QTMAN: variants seen among roughly 807,000 people sequenced by gnomAD.
QTMAN encodes the protein queuosine-tRNA mannosyltransferase, also known as tRNA-queuosine alpha-mannosyltransferase.
At chr2:144,264,410 C>T in the QTMAN span, among the ~76,000 whole-genome samples, 4 of 152,142 alleles carry the variant, frequency 2.6e-5, no homozygotes, top group African/African-American at 9.7e-5. Context: ...CCCACCACCA[C>T]CAAATCTCAT....
At chr2:144,115,098 G>C in the QTMAN span, among the ~76,000 whole-genome samples, 3 of 151,992 alleles carry the variant, frequency 2.0e-5, no homozygotes, top group African/African-American at 7.3e-5. Context: ...AGCTGTGGTG[G>C]CACACAACTG....
the QTMAN span, among the ~76,000 whole-genome samples, chr2:144,210,152 T>C: frequency 6.6e-6 from 1 of 152,076 alleles, no homozygotes; most frequent in African/African-American, 2.4e-5. Flanking sequence ...GCATGAATCC[T>C]AGGATCAAGG....
the QTMAN span, among the ~76,000 whole-genome samples, chr2:144,098,714 CA>C: frequency 0.017 from 2,081 of 123,694 alleles, 35 homozygotes; most frequent in African/African-American, 0.047. Flanking sequence ...GACTCTGTCT[CA>C]AAAAAAAAAA....
the QTMAN span, among the ~76,000 whole-genome samples, chr2:143,953,770 C>A: frequency 6.6e-6 from 1 of 151,838 alleles, no homozygotes; most frequent in African/African-American, 2.4e-5. Context: ...CTTTGAATTG[C>A]ATCCAAAATG....
At chr2:144,244,374 A>G in the QTMAN span, among the ~76,000 whole-genome samples, 3 of 152,090 alleles carry the variant, frequency 2.0e-5, no homozygotes, top group Admixed American at 6.6e-5. Flanking sequence ...TGCCTAATGT[A>G]TTGCTTCTTG....
At chr2:144,012,769 G>C in the QTMAN span, among the ~76,000 whole-genome samples, 3 of 152,142 alleles carry the variant, frequency 2.0e-5, no homozygotes, top group Non-Finnish European at 2.9e-5. Context: ...TTGGAAGATA[G>C]CAGGTGAAAA....
chr2:144,287,344 A>C, the QTMAN span, among the ~76,000 whole-genome samples: 17 of 151,858 alleles, frequency 1.1e-4, no homozygotes, highest in Admixed American at 2.6e-4. Flanking sequence ...CTGAGGCAGG[A>C]GAATGGCGTG....
At chr2:144,298,713 G>A in the QTMAN span, among the ~76,000 whole-genome samples, 1 of 152,202 alleles carries the variant, frequency 6.6e-6, no homozygotes, top group African/African-American at 2.4e-5. Context: ...GGTCAGGAAA[G>A]GGAGGAGAGG....
At chr2:144,084,278 T>C in the QTMAN span, among the ~76,000 whole-genome samples, 2 of 152,234 alleles carry the variant, frequency 1.3e-5, no homozygotes, top group Non-Finnish European at 2.9e-5. Context: ...ATCTTTCTTT[T>C]GCTTTGGTTA....
the QTMAN span, among the ~76,000 whole-genome samples, chr2:144,130,151 C>A: frequency 6.6e-6 from 1 of 151,374 alleles, no homozygotes; most frequent in African/African-American, 2.4e-5. Flanking sequence ...CCCAGCCACC[C>A]CCACAGGGGA....
chr2:144,130,800 G>T, the QTMAN span, among the ~76,000 whole-genome samples: 2 of 151,984 alleles, frequency 1.3e-5, no homozygotes, highest in East Asian at 3.9e-4. Context: ...ACATGGTATT[G>T]AAACAGCTCT....
At chr2:144,274,371 T>C in the QTMAN span, among the ~76,000 whole-genome samples, 1 of 152,200 alleles carries the variant, frequency 6.6e-6, no homozygotes, top group Non-Finnish European at 1.5e-5. Context: ...ATTGTTCTAA[T>C]GAGGTGATTC....
chr2:144,304,362 G>C, the QTMAN span, among the ~76,000 whole-genome samples: 1 of 152,142 alleles, frequency 6.6e-6, no homozygotes, highest in African/African-American at 2.4e-5. Flanking sequence ...AACGTAAACT[G>C]CCTGCTAAAA....
the QTMAN span, among the ~76,000 whole-genome samples, chr2:144,327,874 C>A: frequency 4.6e-5 from 7 of 152,136 alleles, no homozygotes; most frequent in African/African-American, 1.7e-4. Flanking sequence ...CAAAAATAAA[C>A]CACCCAAGAA....
At chr2:144,327,014 C>T in the QTMAN span, among the ~76,000 whole-genome samples, 3 of 152,150 alleles carry the variant, frequency 2.0e-5, no homozygotes, top group Admixed American at 2.0e-4. Context: ...GTGTGTTAGG[C>T]CTCAGGGAAA....
chr2:144,237,115 C>T, the QTMAN span: 1 of 152,158 alleles, frequency 6.6e-6, no homozygotes, highest in African/African-American at 2.4e-5. Flanking sequence ...TGAAGCTTTA[C>T]TTTGGGGAAT....
At chr2:144,309,045 A>G in the QTMAN span, among the ~76,000 whole-genome samples, 3 of 152,212 alleles carry the variant, frequency 2.0e-5, no homozygotes, top group African/African-American at 7.2e-5. Flanking sequence ...AATCAGAAAA[A>G]TGCAAATTAA....
chr2:144,107,007 C>G, the QTMAN span, among the ~76,000 whole-genome samples: 3 of 152,316 alleles, frequency 2.0e-5, no homozygotes, highest in East Asian at 5.8e-4. Flanking sequence ...TGAATGACTA[C>G]TGGGTACATA....
At chr2:144,253,419 T>C in the QTMAN span, among the ~76,000 whole-genome samples, 2 of 152,028 alleles carry the variant, frequency 1.3e-5, no homozygotes, top group Non-Finnish European at 2.9e-5. Flanking sequence ...TTGGAACAGT[T>C]TGGAGGGCTC....
Sources: gnomAD v4.1 joint callset for allele counts (sites outside exome capture counted in the v4.1 genomes callset) on GRCh38, gnomAD v4.1.1 for gene constraint, MANE v1.5 for transcripts, NCBI Gene and HGNC (gene_info 2026-07-23, HGNC 2026-07-21) for gene names.